R3HDM1: variants seen among roughly 807,000 people sequenced by gnomAD.
R3HDM1 encodes R3H domain-containing protein 1.
Under a neutral mutation model 141.1 loss-of-function variants are expected in R3HDM1, and 46 were observed. The ratio of observed to expected loss-of-function variants is 0.33; its 90% CI spans 0.26 to 0.42. The LOEUF (loss-of-function observed/expected upper bound fraction) is 0.42, where lower values mean the gene tolerates loss of function less well. R3HDM1 is among the 10% of genes least tolerant of loss of function. The pLI is 1.00. For missense variants in R3HDM1, 1,184 were observed against 1,368.3 expected (o/e 0.87, Z 2.12); for synonymous variants, 435 against 472.9 (o/e 0.92, Z 1.04).
chr2:135,659,540 T>C (rs1408734611), intron 18 of R3HDM1, among the ~76,000 whole-genome samples: 3 of 151,948 alleles, frequency 2.0e-5, no homozygotes, highest in Non-Finnish European at 4.4e-5. Context: ...TGGGTTCAAG[T>C]AATCCCCAAT....
intron 21 of R3HDM1, among the ~76,000 whole-genome samples, chr2:135,706,052 C>A (rs2105425291): frequency 6.6e-6 from 1 of 151,938 alleles, no homozygotes; most frequent in Middle Eastern, 3.4e-3. Context: ...TGGTATGAAC[C>A]CGGGAGGCGG....
chr2:135,546,164 T>G (rs570706160), intron 1 of R3HDM1, among the ~76,000 whole-genome samples: 1 of 152,358 alleles, frequency 6.6e-6, no homozygotes, highest in Admixed American at 6.5e-5. Flanking sequence ...GTCTCCACAT[T>G]GTATTTCTTT....
intron 24 of R3HDM1, among the ~76,000 whole-genome samples, chr2:135,717,889 T>C (rs559141342): frequency 1.3e-5 from 2 of 152,314 alleles, no homozygotes; most frequent in Admixed American, 6.5e-5. Context: ...TACGAACATC[T>C]ATAGCAACCT....
chr2:135,707,248 T>C (rs6745540), intron 21 of R3HDM1, among the ~76,000 whole-genome samples: 147,858 of 152,332 alleles, frequency 0.97, 71,896 homozygotes, highest in Middle Eastern at 1. Flanking sequence ...GAAATTACTA[T>C]AGAACTGATT....
At chr2:135,671,025 T>G (rs2068254519) in intron 19 of R3HDM1, among the ~76,000 whole-genome samples, 1 of 151,860 alleles carries the variant, frequency 6.6e-6, no homozygotes, top group Admixed American at 6.6e-5. Flanking sequence ...GCCACTGCAT[T>G]CTGTCCTGGG....
At chr2:135,644,962 A>G (rs1015012594) in intron 15 of R3HDM1, among the ~76,000 whole-genome samples, 4 of 152,124 alleles carry the variant, frequency 2.6e-5, no homozygotes, top group Middle Eastern at 3.2e-3. Flanking sequence ...CATGCCTGTA[A>G]TCCCAGCTAC....
chr2:135,682,265 C>T (rs1483411161), intron 21 of R3HDM1, among the ~76,000 whole-genome samples: 1 of 151,852 alleles, frequency 6.6e-6, no homozygotes, highest in Non-Finnish European at 1.5e-5. Flanking sequence ...ATTAAGTTAC[C>T]TTTGTAGGCC....
At chr2:135,709,192 G>A in intron 21 of R3HDM1, among the ~76,000 whole-genome samples, 1 of 152,004 alleles carries the variant, frequency 6.6e-6, no homozygotes. Flanking sequence ...TCCTGCCTCA[G>A]CCTCCTGAAT....
intron 1 of R3HDM1, among the ~76,000 whole-genome samples, chr2:135,572,520 A>G (rs1457883648): frequency 6.6e-6 from 1 of 152,246 alleles, no homozygotes; most frequent in Non-Finnish European, 1.5e-5. Context: ...GGATGACTAT[A>G]ATAAAACAAC....
chr2:135,670,138 CAAAAAA>C, intron 19 of R3HDM1: 2 of 92,458 alleles, frequency 2.2e-5, no homozygotes, highest in South Asian at 3.3e-4. Flanking sequence ...GACTCAGTCT[CAAAAAA>C]AAAAAAAAAA....
At chr2:135,614,613 GA>G (rs1222734627) in intron 3 of R3HDM1, among the ~76,000 whole-genome samples, 1 of 152,192 alleles carries the variant, frequency 6.6e-6, no homozygotes, top group African/African-American at 2.4e-5. Flanking sequence ...TTCTGCATAT[GA>G]ATACAGGATT....
At chr2:135,645,670 A>C (rs942761691) in intron 16 of R3HDM1, 143 bp downstream of exon 16, 24 of 986,382 alleles carry the variant, frequency 2.4e-5, no homozygotes, top group Non-Finnish European at 3.1e-5. Context: ...CTCACTACTC[A>C]TAGGAAAAGA....
intron 21 of R3HDM1, among the ~76,000 whole-genome samples, chr2:135,683,172 A>ACGTGAAGC (rs1318470709): frequency 1.3e-5 from 2 of 152,202 alleles, no homozygotes; most frequent in African/African-American, 4.8e-5. Flanking sequence ...AATGAGTTGT[A>ACGTGAAGC]CGTGAAGCAG....
intron 17 of R3HDM1, 181 bp downstream of exon 17, chr2:135,650,184 A>ATTT (rs2064999953): frequency 2.1e-6 from 2 of 969,038 alleles, no homozygotes; most frequent in South Asian, 9.5e-5. Flanking sequence ...AATATTGGTT[A>ATTT]TAGTGGCTTA....
chr2:135,675,285 A>C, intron 19 of R3HDM1, 47 bp from the exon 20 acceptor site: 1 of 1,521,168 alleles, frequency 6.6e-7, no homozygotes, highest in Non-Finnish European at 8.9e-7. Flanking sequence ...AAATCTTACT[A>C]GATGAAATGA....
intron 19 of R3HDM1, among the ~76,000 whole-genome samples, chr2:135,662,102 A>T (rs949877051): frequency 1.3e-5 from 2 of 152,228 alleles, no homozygotes; most frequent in African/African-American, 4.8e-5. Flanking sequence ...CTAGATGTGT[A>T]CTTCCCAGAT....
chr2:135,533,288 G>T (rs1342156981), intron 1 of R3HDM1, among the ~76,000 whole-genome samples: 14 of 152,140 alleles, frequency 9.2e-5, no homozygotes, highest in East Asian at 3.8e-4. Context: ...AAAAAATAAA[G>T]AAATAAATAC....
chr2:135,590,569 A>G (rs911428811), intron 1 of R3HDM1: 7 of 985,372 alleles, frequency 7.1e-6, no homozygotes, highest in East Asian at 1.1e-4. Context: ...AACCCATTGA[A>G]TTTTTGTGTT....
At chr2:135,701,911 G>C (rs1211698477) in intron 21 of R3HDM1, among the ~76,000 whole-genome samples, 1 of 152,038 alleles carries the variant, frequency 6.6e-6, no homozygotes, top group East Asian at 1.9e-4. Flanking sequence ...TATTTATCTT[G>C]TTTTTAAACA....
Sources: allele counts gnomAD v4.1 joint callset (sites outside exome capture counted in the v4.1 genomes callset), GRCh38; gene constraint gnomAD v4.1.1; transcripts MANE v1.5; gene names NCBI Gene and HGNC (gene_info 2026-07-23, HGNC 2026-07-21).